Variants in MACROH2A1 observed in about 807,000 individuals in gnomAD.
MACROH2A1 encodes macroH2A.1 histone.
A neutral mutation model predicts 31.6 loss-of-function variants in MACROH2A1; 2 were observed. The observed-to-expected ratio is 0.06, with a 90% CI of 0.03 to 0.20. MACROH2A1 has a LOEUF of 0.20. Among genes scored for constraint, MACROH2A1 ranks in the 10% least tolerant of loss-of-function variants. MACROH2A1 has a pLI of 1.00. For missense variants in MACROH2A1, 230 were observed against 474.0 expected (o/e 0.49, Z 4.78); for synonymous variants, 169 against 189.6 (o/e 0.89, Z 0.89).
At chr5:135,391,359 C>A (rs749076564) in intron 1 of MACROH2A1, among the ~76,000 whole-genome samples, 5 of 152,178 alleles carry the variant, frequency 3.3e-5, no homozygotes, top group African/African-American at 1.2e-4. Flanking sequence ...AGAGCACAGA[C>A]TTCAGCTTTG....
At chr5:135,339,753 C>T (rs1045416480) in intron 8 of MACROH2A1, among the ~76,000 whole-genome samples, 5 of 152,226 alleles carry the variant, frequency 3.3e-5, no homozygotes, top group Admixed American at 6.5e-5. Flanking sequence ...TGATCCAAGT[C>T]ATCAGGATCC....
intron 6 of MACROH2A1, among the ~76,000 whole-genome samples, chr5:135,349,518 G>C (rs759970725): frequency 6.6e-6 from 1 of 152,072 alleles, no homozygotes; most frequent in Non-Finnish European, 1.5e-5. Flanking sequence ...GCCCAGGAGA[G>C]TGATTAGTCC....
chr5:135,399,454 T>A, upstream of MACROH2A1: 1 of 152,250 alleles, frequency 6.6e-6, no homozygotes, highest in East Asian at 1.9e-4. This position sits in a 1 kb window ranked among gnomAD's most constrained non-coding sequence, Gnocchi z 4.5. Context: ...CAGAGCCCAG[T>A]CCTTGGGAAG....
At chr5:135,388,062 A>C (rs1561665908) in intron 2 of MACROH2A1, among the ~76,000 whole-genome samples, 1 of 152,070 alleles carries the variant, frequency 6.6e-6, no homozygotes, top group Non-Finnish European at 1.5e-5. Context: ...AAAAAAAAAA[A>C]AAACAGAGGA....
intron 6 of MACROH2A1, 128 bp downstream of exon 6, chr5:135,352,817 CA>C (rs2149777705): frequency 3.0e-6 from 2 of 666,560 alleles, no homozygotes; most frequent in East Asian, 5.4e-5. Flanking sequence ...CGTCTACACT[CA>C]AATATCAATC....
At chr5:135,357,320 T>C (rs897743116) in intron 5 of MACROH2A1, 5 of 152,194 alleles carry the variant, frequency 3.3e-5, no homozygotes, top group African/African-American at 9.7e-5. Flanking sequence ...TCCTCAGCCA[T>C]AGTGGGGGGA....
intron 8 of MACROH2A1, among the ~76,000 whole-genome samples, chr5:135,338,372 C>T (rs1759163315): frequency 6.6e-6 from 1 of 152,222 alleles, no homozygotes; most frequent in Non-Finnish European, 1.5e-5. Flanking sequence ...AAATGCAAAG[C>T]ACCGGGGCAT....
At chr5:135,396,282 C>T (rs553101799) in intron 1 of MACROH2A1, among the ~76,000 whole-genome samples, 45 of 152,302 alleles carry the variant, frequency 3.0e-4, no homozygotes, top group African/African-American at 1.1e-3. Flanking sequence ...TCTGATAAGG[C>T]TTAGCATGTA....
intron 1 of MACROH2A1, among the ~76,000 whole-genome samples, chr5:135,390,029 A>G (rs947855110): frequency 2.0e-5 from 3 of 152,194 alleles, no homozygotes; most frequent in African/African-American, 7.2e-5. Flanking sequence ...AATGCCCTAG[A>G]AATCTAGGCC....
chr5:135,388,875 T>A, intron 2 of MACROH2A1, 47 bp downstream of exon 2: 1 of 1,470,360 alleles, frequency 6.8e-7, no homozygotes. Flanking sequence ...TATGAGAACT[T>A]CTGCATCTTA....
Position 135,374,026 on chromosome 5 carries a change from C to G in MACROH2A1, c.173-3884G>C, listed in dbSNP as rs139785942. 4.9e-4 allele frequency among the ~76,000 whole-genome samples: 74 copies of G among 152,304 alleles called. 1 individual carries two copies. The highest frequency in any genetic ancestry group is 1.7e-3 in the African/African-American group (69 of 41,572). On this transcript the variant is annotated intron_variant, in intron 2 of 8. Coordinates refer to ENST00000511689, the MANE Select transcript of MACROH2A1 (RefSeq NM_138610.3). ...ATGAGAAGTATATTCAGTGTCCCAC[C>G]CCTCTCCTGTGCTGCAGCAGCAGAG...
intron 7 of MACROH2A1, 41 bp downstream of exon 7, chr5:135,345,927 T>C: frequency 7.6e-7 from 1 of 1,321,650 alleles, no homozygotes; most frequent in Non-Finnish European, 1.1e-6. Context: ...TAATACTGCA[T>C]GTGTCACAAC....
At chr5:135,372,595 A>C (rs949139394) in intron 2 of MACROH2A1, among the ~76,000 whole-genome samples, 9 of 152,258 alleles carry the variant, frequency 5.9e-5, no homozygotes, top group African/African-American at 2.2e-4. Context: ...GGTACTGTGA[A>C]TGCAGAAGCG....
chr5:135,364,892 CACTCT>C (rs1763305095), intron 4 of MACROH2A1, among the ~76,000 whole-genome samples: 1 of 152,166 alleles, frequency 6.6e-6, no homozygotes. Flanking sequence ...GAGAAAGAGG[CACTCT>C]ACTAAAATCA....
chr5:135,370,172 A>T (rs1378891015), intron 2 of MACROH2A1, 30 bp from the exon 3 acceptor site: 9 of 1,394,682 alleles, frequency 6.5e-6, no homozygotes, highest in Non-Finnish European at 9.1e-6. Flanking sequence ...GTGTATGGTC[A>T]TGTTAGAGGA....
At position 135,370,029 on chromosome 5, in the gene MACROH2A1, C is replaced by T. The variant is rs761946701; in HGVS notation, c.279+7G>A. 9 of 1,564,452 alleles carry T rather than the reference C, an allele frequency of 5.8e-6. No homozygotes were observed. In the South Asian group the frequency reaches 8.9e-5, roughly 15 times the overall value. The stretch of plus-strand genomic sequence containing the variant: ...AAACATCAGTGGGAGATGGGAGAGG[C>T]CCATACCTGATTCAGCTCTTCATCA... On this transcript the variant is annotated splice_region_variant and intron_variant, in intron 3 of 8. Transcript: ENST00000511689.
rs1012421602 is a variant in MACROH2A1, at chr5:135,350,511, C to A, written c.688+2435G>T. On this transcript the variant is annotated intron_variant, in intron 6 of 8. Transcript: ENST00000511689. ...AGTCCATGTGCCTGTATTGTTCCTG[C>A]AGCTGAAATCATCTGTGAACCCAGT... Among the ~76,000 whole-genome samples, 3 of 152,152 alleles carry A rather than the reference C, an allele frequency of 2.0e-5. No homozygotes were observed. In the East Asian group the frequency reaches 5.8e-4, roughly 29 times the overall value.
chr5:135,392,325 A>G (rs1767360353), intron 1 of MACROH2A1, among the ~76,000 whole-genome samples: 1 of 152,218 alleles, frequency 6.6e-6, no homozygotes, highest in Admixed American at 6.5e-5. Context: ...CAGCTCCTCC[A>G]GTGCCACCCT....
intron 4 of MACROH2A1, among the ~76,000 whole-genome samples, chr5:135,367,848 A>G (rs1581249684): frequency 6.6e-6 from 1 of 152,214 alleles, no homozygotes; most frequent in East Asian, 1.9e-4. Flanking sequence ...AGGGTTGCAC[A>G]AGCACTTTCC....
Sources: allele counts gnomAD v4.1 joint callset (sites outside exome capture counted in the v4.1 genomes callset), GRCh38; gene constraint gnomAD v4.1.1; non-coding constraint Gnocchi (gnomAD v3.1); transcripts MANE v1.5; gene names NCBI Gene and HGNC (gene_info 2026-07-23, HGNC 2026-07-21).